Variants in PRKCH observed in about 807,000 individuals in gnomAD.
PRKCH encodes protein kinase C eta, also known as protein kinase C eta type.
Under a neutral mutation model 82.5 loss-of-function variants are expected in PRKCH, and 28 were observed. The ratio of observed to expected loss-of-function variants is 0.34; its 90% confidence interval spans 0.25 to 0.47. The LOEUF (loss-of-function observed/expected upper bound fraction) is 0.47, where lower values mean the gene tolerates loss of function less well. Among genes scored for constraint, PRKCH ranks in the 20% least tolerant of loss-of-function variants. PRKCH has a pLI of 1.00. For missense variants in PRKCH, 705 were observed against 881.8 expected (o/e 0.80, Z 2.54); for synonymous variants, 322 against 327.4 (o/e 0.98, Z 0.18).
At chr14:61,352,676 G>A (rs865987468) in intron 1 of PRKCH, among the ~76,000 whole-genome samples, 6,712 of 124,436 alleles carry the variant, frequency 0.054, 234 homozygotes, top group Non-Finnish European at 0.075. Flanking sequence ...GAGAGAGAGA[G>A]AGAGAAAGGA....
At chr14:61,499,119 A>G (rs1415575379) in intron 10 of PRKCH, among the ~76,000 whole-genome samples, 2 of 152,170 alleles carry the variant, frequency 1.3e-5, no homozygotes, top group Non-Finnish European at 2.9e-5. Context: ...GTGTGTTGAG[A>G]CCAAATCCTT....
At chr14:61,409,290 C>T (rs1375882725) in intron 2 of PRKCH, among the ~76,000 whole-genome samples, 2 of 152,132 alleles carry the variant, frequency 1.3e-5, no homozygotes, top group African/African-American at 4.8e-5. Flanking sequence ...TAGCATGACC[C>T]AGCCATGGGC....
At chr14:61,527,091 G>A (rs566871731) in intron 10 of PRKCH, among the ~76,000 whole-genome samples, 107 of 152,344 alleles carry the variant, frequency 7.0e-4, no homozygotes, top group African/African-American at 2.4e-3. Flanking sequence ...GTGCTGGGAA[G>A]CGGGTTTTTT....
chr14:61,284,705 C>T (rs1343098295), intron 1 of PRKCH, among the ~76,000 whole-genome samples: 1 of 152,008 alleles, frequency 6.6e-6, no homozygotes, highest in Non-Finnish European at 1.5e-5. Flanking sequence ...CTCTTTAGTA[C>T]CAGTAAAATA....
Position 61,280,856 on chromosome 14 carries a change from A to G in PRKCH, c.-19+93188A>G. ...CCCTGGAAGAGCTCGGGCAGCGAGA[A>G]GTACCAGGCGCACGAGCAGGGGGGC... On this transcript the variant is annotated intron_variant, in intron 1 of 3. Coordinates refer to the PRKCH transcript ENST00000555185. The surrounding 1 kb of genome is among the most constrained non-coding windows in gnomAD (Gnocchi z 5.0). 1.9e-6 allele frequency: 3 copies of G among 1,567,292 alleles called. No homozygotes were observed. The highest frequency in any genetic ancestry group is 2.6e-6 in the Non-Finnish European group (3 of 1,164,938).
intron 9 of PRKCH, among the ~76,000 whole-genome samples, chr14:61,461,928 T>G (rs1281054193): frequency 6.6e-6 from 1 of 152,238 alleles, no homozygotes; most frequent in African/African-American, 2.4e-5. Flanking sequence ...AGTTTTATGT[T>G]TGACCACAAG....
At chr14:61,529,027 G>C in intron 10 of PRKCH, 48 bp from the exon 11 acceptor site, 1 of 1,530,676 alleles carries the variant, frequency 6.5e-7, no homozygotes, top group Middle Eastern at 1.9e-4. Context: ...GAGGTGGATG[G>C]TTTGGGGTCT....
In PRKCH at chr14:61,529,583, T is replaced by G. The variant is rs545468251; in HGVS notation, c.1572+370T>G. ...TGGAATACTATGCAGCCATGAAAAA[T>G]GGTGAGTTCATGTCCTTTGTAGGGA... On this transcript the variant is annotated intron_variant, in intron 11 of 13. Coordinates refer to ENST00000332981, the MANE Select transcript of PRKCH (RefSeq NM_006255.5). 4.0e-5 allele frequency among the ~76,000 whole-genome samples: 6 copies of G among 151,712 alleles called. 2 individuals are homozygous for G. In the South Asian group the frequency reaches 1.3e-3, roughly 32 times the overall value.
At chr14:61,535,386 T>A (rs755170942) in intron 12 of PRKCH, among the ~76,000 whole-genome samples, 112 of 152,218 alleles carry the variant, frequency 7.4e-4, no homozygotes, top group Non-Finnish European at 1.4e-3. Flanking sequence ...TTTGAAAGCA[T>A]TTATTTAACA....
chr14:61,253,192 G>C (rs564074489), intron 1 of PRKCH, among the ~76,000 whole-genome samples: 9 of 152,146 alleles, frequency 5.9e-5, no homozygotes, highest in Admixed American at 1.3e-4. Context: ...TAATACTTAT[G>C]TTAAGCAATT....
chr14:61,441,012 G>A (rs568212086), intron 2 of PRKCH, among the ~76,000 whole-genome samples: 31 of 150,402 alleles, frequency 2.1e-4, no homozygotes, highest in African/African-American at 6.6e-4. Context: ...CAACCTCCTG[G>A]GCTCAAGTGA....
rs185848118 is a variant in PRKCH, at chr14:61,250,184, G to A, written c.-19+62516G>A. Among the ~76,000 whole-genome samples the A allele has an allele frequency of 1.3e-3, 192 of 151,144 alleles. 2 individuals are homozygous for A. The highest frequency in any genetic ancestry group is 3.1e-3 in the Admixed American group (47 of 15,200). On this transcript the variant is annotated intron_variant, in intron 1 of 3. Coordinates refer to the PRKCH transcript ENST00000555185. ...CTGAGGCACAAGAATCACTTGAACA[G>A]AGGTTGCAGTGAGCCGAACTCCAGC...
At chr14:61,456,940 T>G (rs1884793553) in intron 7 of PRKCH, 2 of 443,156 alleles carry the variant, frequency 4.5e-6, no homozygotes, top group Non-Finnish European at 8.1e-6. Flanking sequence ...TAACTGTAAC[T>G]CCATGGCTTA....
chr14:61,496,385 A>G (rs1337316190), intron 10 of PRKCH, among the ~76,000 whole-genome samples: 1 of 152,194 alleles, frequency 6.6e-6, no homozygotes, highest in Non-Finnish European at 1.5e-5. Context: ...CCACTCCATG[A>G]TATCCTTTTG....
intron 1 of PRKCH, among the ~76,000 whole-genome samples, chr14:61,352,722 G>GAAAGAAAGAAAGAAAGAAAC (rs1555378125): frequency 6.6e-6 from 1 of 151,376 alleles, no homozygotes; most frequent in Non-Finnish European, 1.5e-5. Context: ...AAGAAAGAAA[G>GAAAGAAAGAAAGAAAGAAAC]AAAGAAAGAA....
At chr14:61,410,471 T>C (rs1471160303) in intron 2 of PRKCH, among the ~76,000 whole-genome samples, 3 of 152,136 alleles carry the variant, frequency 2.0e-5, no homozygotes, top group African/African-American at 7.2e-5. Context: ...TTCTGAGTAG[T>C]TTGACAGGTT....
rs1243453900 is a variant in PRKCH, at chr14:61,192,221, C to T, written c.-19+4553C>T. On this transcript the variant is annotated intron_variant, in intron 1 of 3. Coordinates refer to the PRKCH transcript ENST00000555185. Reference sequence around the variant, plus strand: ...TTTCCTGTTGTCATTTCTGGATTTTCCCTCTCTATTCAATTCCTGAGCAGA... The same window carrying T: ...TTTCCTGTTGTCATTTCTGGATTTTTCCTCTCTATTCAATTCCTGAGCAGA... Among the ~76,000 whole-genome samples, 3 of 152,036 alleles carry T rather than the reference C, an allele frequency of 2.0e-5. No homozygotes were observed. In the East Asian group the frequency reaches 5.8e-4, roughly 29 times the overall value.
intron 1 of PRKCH, among the ~76,000 whole-genome samples, chr14:61,257,474 C>A (rs911692256): frequency 9.9e-5 from 15 of 152,028 alleles, no homozygotes; most frequent in Non-Finnish European, 1.5e-4. Context: ...CAGAGCTCTT[C>A]TTTGAAGCAG....
intron 1 of PRKCH, among the ~76,000 whole-genome samples, chr14:61,233,992 C>T (rs1273466514): frequency 6.6e-6 from 1 of 152,202 alleles, no homozygotes; most frequent in African/African-American, 2.4e-5. Context: ...AACTTCTCCA[C>T]CTTTGGAAGG....
Sources: gnomAD v4.1 joint callset for allele counts (sites outside exome capture counted in the v4.1 genomes callset) on GRCh38, gnomAD v4.1.1 for gene constraint, Gnocchi (gnomAD v3.1) non-coding constraint, MANE v1.5 for transcripts, NCBI Gene and HGNC (gene_info 2026-07-23, HGNC 2026-07-21) for gene names.